The following GTF2E1 variants were observed in gnomAD, a reference collection of about 807,000 sequenced individuals.
GTF2E1 encodes TFIIE alpha subunit.
A neutral mutation model predicts 34.9 loss-of-function variants in GTF2E1; 14 were observed. That is an observed-to-expected ratio of 0.40 (90% CI 0.27 to 0.63). GTF2E1 has a LOEUF of 0.63. Among genes scored for constraint, GTF2E1 ranks in the 20% least tolerant of loss-of-function variants. The pLI is 0.39. For synonymous variants in GTF2E1, 188 were observed against 192.9 expected (o/e 0.97, Z 0.21); for missense variants, 469 against 557.7 (o/e 0.84, Z 1.60).
chr3:120,770,754 A>AG lies in GTF2E1; in HGVS notation c.475_476insG (p.Thr159SerfsTer7), dbSNP rs1359171154. ...AACTTTCCGCTGTACTTTTTGCCAT[A>AG]CAGAGGTAGAAGAGGATGAATCAGC... On this transcript the variant is annotated frameshift_variant, in exon 3 of 5. Transcript: ENST00000283875. LOFTEE classifies it high-confidence loss of function. 2 of 1,613,432 alleles carry AG rather than the reference A, an allele frequency of 1.2e-6. No individual in the cohort carries two copies. Among genetic ancestry groups the AG allele is most frequent in the African/African-American group, 1.3e-5 (1 of 74,888 alleles).
intron 1 of GTF2E1, among the ~76,000 whole-genome samples, chr3:120,746,886 C>T (rs994357665): frequency 2.0e-5 from 3 of 152,196 alleles, no homozygotes; most frequent in African/African-American, 7.2e-5. Context: ...TAGTTTGGAA[C>T]ATGTTAAGTT....
Position 120,781,504 on chromosome 3 carries a change from T to C in GTF2E1, c.*34T>C, listed in dbSNP as rs982704807. 2 of 1,535,812 alleles carry C rather than the reference T, an allele frequency of 1.3e-6. No individual in the cohort carries two copies. Among genetic ancestry groups the C allele is most frequent in the African/African-American group, 1.4e-5 (1 of 72,932 alleles). On this transcript the variant is annotated 3_prime_UTR_variant, in exon 5 of 5. Transcript: ENST00000283875. ...TAATTCTTTCTCCTTTCTCTAATGC[T>C]CAGTTCAAAAAGGAATGTCTCATCT...
intron 3 of GTF2E1, among the ~76,000 whole-genome samples, chr3:120,774,289 A>G (rs977755353): frequency 3.9e-5 from 6 of 152,184 alleles, no homozygotes; most frequent in African/African-American, 1.2e-4. Context: ...AGTCAGAGAG[A>G]CAAATGGGTG....
At chr3:120,764,507 T>G (rs897180169) in intron 2 of GTF2E1, among the ~76,000 whole-genome samples, 3 of 152,220 alleles carry the variant, frequency 2.0e-5, no homozygotes, top group African/African-American at 7.2e-5. Flanking sequence ...TTTAAAAGTT[T>G]GTGGGAAAAA....
intron 2 of GTF2E1, among the ~76,000 whole-genome samples, chr3:120,767,192 T>C (rs1488921470): frequency 6.6e-6 from 1 of 152,160 alleles, no homozygotes; most frequent in Non-Finnish European, 1.5e-5. Context: ...TCCATGGGTC[T>C]CTCACATGTT....
intron 2 of GTF2E1, among the ~76,000 whole-genome samples, chr3:120,769,457 G>A (rs1011069591): frequency 6.6e-6 from 1 of 152,132 alleles, no homozygotes; most frequent in Non-Finnish European, 1.5e-5. Flanking sequence ...TTTTGGGGAG[G>A]ATTCAGGGAA....
chr3:120,773,665 A>C (rs1229465894), intron 3 of GTF2E1, among the ~76,000 whole-genome samples: 1 of 152,154 alleles, frequency 6.6e-6, no homozygotes, highest in Non-Finnish European at 1.5e-5. Context: ...TTAAAAATTT[A>C]GTTTTGAAAT....
At chr3:120,777,235 A>T (rs1435140801) in intron 4 of GTF2E1, among the ~76,000 whole-genome samples, 1 of 152,254 alleles carries the variant, frequency 6.6e-6, no homozygotes. Flanking sequence ...TTCGGAAGTT[A>T]GAGAACTGCA....
At chr3:120,748,801 G>C (rs1709133838) in intron 1 of GTF2E1, among the ~76,000 whole-genome samples, 1 of 152,146 alleles carries the variant, frequency 6.6e-6, no homozygotes, top group African/African-American at 2.4e-5. Flanking sequence ...GTCATTGGTA[G>C]CTTCATGGGG....
intron 4 of GTF2E1, among the ~76,000 whole-genome samples, chr3:120,778,230 A>G (rs1709417363): frequency 1.3e-5 from 2 of 152,250 alleles, no homozygotes; most frequent in Non-Finnish European, 2.9e-5. Context: ...ATTCTAGTTT[A>G]CAGTTCCTAA....
Position 120,750,516 on chromosome 3 carries a change from A to G in GTF2E1, c.-30-7A>G. On this transcript the variant is annotated splice_region_variant and splice_polypyrimidine_tract_variant and intron_variant, in intron 1 of 4. Coordinates refer to ENST00000283875, the MANE Select transcript of GTF2E1 (RefSeq NM_005513.3). ...CTGGCTAATTTTCTGTTTTTTTTTGAATTCAGTATATTTAAAGTTGGAGTT... is the reference window on the plus strand; with the variant it reads ...CTGGCTAATTTTCTGTTTTTTTTTGGATTCAGTATATTTAAAGTTGGAGTT... The G allele has an allele frequency of 6.7e-7, 1 of 1,496,356 alleles. No homozygotes were observed. Among genetic ancestry groups the G allele is most frequent in the Non-Finnish European group, 9.2e-7 (1 of 1,091,978 alleles). 92.7% of individuals were successfully genotyped at this position (1,496,356 alleles called of 1,614,324 possible).
intron 1 of GTF2E1, among the ~76,000 whole-genome samples, chr3:120,747,397 C>T (rs1231686769): frequency 6.6e-6 from 1 of 152,044 alleles, no homozygotes; most frequent in Non-Finnish European, 1.5e-5. Context: ...TCCCTCCCCG[C>T]TCCCTCCTCC....
intron 2 of GTF2E1, among the ~76,000 whole-genome samples, chr3:120,758,099 G>A (rs750933242): frequency 6.6e-6 from 1 of 152,166 alleles, no homozygotes; most frequent in Non-Finnish European, 1.5e-5. Context: ...GGCAGAGGTT[G>A]CAGTGAGCCA....
At chr3:120,757,122 G>T (rs182204088) in intron 2 of GTF2E1, among the ~76,000 whole-genome samples, 55 of 152,260 alleles carry the variant, frequency 3.6e-4, no homozygotes, top group Admixed American at 3.2e-3. Flanking sequence ...ATGCTGAGAT[G>T]AATTTGATTT....
chr3:120,761,631 C>T (rs1001502423), intron 2 of GTF2E1, among the ~76,000 whole-genome samples: 2 of 152,104 alleles, frequency 1.3e-5, no homozygotes, highest in African/African-American at 4.8e-5. Flanking sequence ...TCTTTGTTCT[C>T]ATTGGTTTCA....
At position 120,782,815 on chromosome 3, in the gene GTF2E1, G is replaced by GA. The variant is rs1482669063; in HGVS notation, c.*1348dup. 1 of 152,128 alleles carries GA rather than the reference G, an allele frequency of 6.6e-6. No individual in the cohort carries two copies. Among genetic ancestry groups the GA allele is most frequent in the African/African-American group, 2.4e-5 (1 of 41,422 alleles). The allele number at this position is 152,128 out of a possible 1,614,324, so 9.4% of individuals were successfully genotyped here. A position where few individuals can be genotyped will look rare whatever the true frequency, so the allele number is the denominator to read the frequency against. On this transcript the variant is annotated 3_prime_UTR_variant, in exon 5 of 5. Coordinates refer to ENST00000283875, the MANE Select transcript of GTF2E1 (RefSeq NM_005513.3). ...ATACCATTGAGCATTGTAACCTCAG[G>GA]AAACAGTTTATTTTGGGTTCTGATA...
intron 2 of GTF2E1, among the ~76,000 whole-genome samples, chr3:120,766,252 T>C (rs1281176037): frequency 3.3e-5 from 5 of 152,130 alleles, no homozygotes; most frequent in Non-Finnish European, 7.4e-5. Context: ...CCACTGGGGA[T>C]TTTTATGCAG....
intron 2 of GTF2E1, among the ~76,000 whole-genome samples, chr3:120,753,289 T>C (rs1709181455): frequency 6.6e-6 from 1 of 152,128 alleles, no homozygotes; most frequent in African/African-American, 2.4e-5. Flanking sequence ...AATAAAAATT[T>C]GGTGTGTGTA....
intron 2 of GTF2E1, among the ~76,000 whole-genome samples, chr3:120,751,759 G>T (rs1709166445): frequency 6.6e-6 from 1 of 152,038 alleles, no homozygotes; most frequent in Non-Finnish European, 1.5e-5. Context: ...CTAAATACTC[G>T]ATCAATTTTG....
Sources: allele counts gnomAD v4.1 joint callset (sites outside exome capture counted in the v4.1 genomes callset), GRCh38; gene constraint gnomAD v4.1.1; transcripts MANE v1.5; gene names NCBI Gene and HGNC (gene_info 2026-07-23, HGNC 2026-07-21).